XRCC4: variants seen among roughly 807,000 people sequenced by gnomAD.
XRCC4 encodes DNA repair protein XRCC4.
XRCC4 carries 28 observed loss-of-function variants against 39.1 expected under a neutral mutation model. That is an observed-to-expected ratio of 0.72 (90% CI 0.53 to 0.98). The LOEUF (loss-of-function observed/expected upper bound fraction) is 0.98. Among genes scored for constraint, XRCC4 ranks in the 50% least tolerant of loss-of-function variants. XRCC4 has a pLI of 0.00. For synonymous variants in XRCC4, 123 were observed against 126.4 expected, an observed-to-expected ratio of 0.97 and a Z score of 0.18; for missense variants, 350 against 376.4, an observed-to-expected ratio of 0.93 and a Z score of 0.58.
chr5:83,302,257 CAAA>C (rs778098766), intron 7 of XRCC4, among the ~76,000 whole-genome samples: 2 of 134,160 alleles, frequency 1.5e-5, no homozygotes, highest in African/African-American at 2.7e-5. Flanking sequence ...AATGGGGTAC[CAAA>C]AAAAAAAAAA....
At chr5:83,355,151 C>G (rs1034661844), downstream of XRCC4, among the ~76,000 whole-genome samples, 1 of 152,154 alleles carries the variant, frequency 6.6e-6, no homozygotes, top group African/African-American at 2.4e-5. Context: ...ATCTCTCTGC[C>G]TGGAATGCTC....
At chr5:83,225,961 A>T (rs1469942105) in intron 6 of XRCC4, among the ~76,000 whole-genome samples, 1 of 151,912 alleles carries the variant, frequency 6.6e-6, no homozygotes. Flanking sequence ...TTTAGGGTGG[A>T]GTCCTTCTGC....
chr5:83,094,671 T>A (rs1745594552), intron 1 of XRCC4, among the ~76,000 whole-genome samples: 1 of 151,790 alleles, frequency 6.6e-6, no homozygotes. Flanking sequence ...TATATTCTTG[T>A]GGTTAACTTT....
At chr5:83,132,928 G>A (rs1379439629) in intron 3 of XRCC4, among the ~76,000 whole-genome samples, 6 of 152,102 alleles carry the variant, frequency 3.9e-5, no homozygotes, top group Non-Finnish European at 7.4e-5. Flanking sequence ...TTCCTTTGCT[G>A]ACGAGGAGCT....
intron 6 of XRCC4, among the ~76,000 whole-genome samples, chr5:83,223,088 T>C (rs978971551): frequency 6.6e-6 from 1 of 152,154 alleles, no homozygotes; most frequent in Non-Finnish European, 1.5e-5. Context: ...ACTTGTTTTG[T>C]GGTCTAACGT....
At chr5:83,261,539 C>G (rs1198400534) in intron 7 of XRCC4, among the ~76,000 whole-genome samples, 1 of 151,788 alleles carries the variant, frequency 6.6e-6, no homozygotes, top group Non-Finnish European at 1.5e-5. Flanking sequence ...TATTTAGCTT[C>G]TCTATCTCTG....
At chr5:83,263,141 A>G (rs1753822949) in intron 7 of XRCC4, among the ~76,000 whole-genome samples, 1 of 149,422 alleles carries the variant, frequency 6.7e-6, no homozygotes, top group Non-Finnish European at 1.5e-5. Flanking sequence ...GATGATTTCC[A>G]ATTTCATCCA....
At chr5:83,138,189 T>C (rs1411466132) in intron 3 of XRCC4, among the ~76,000 whole-genome samples, 1 of 152,174 alleles carries the variant, frequency 6.6e-6, no homozygotes, top group Non-Finnish European at 1.5e-5. Flanking sequence ...TCTGATGTTA[T>C]CTCTAAATGA....
At chr5:83,359,318 T>C in the XRCC4 span, among the ~76,000 whole-genome samples, 5 of 152,120 alleles carry the variant, frequency 3.3e-5, no homozygotes, top group Non-Finnish European at 7.4e-5. Flanking sequence ...ACAGTACCCA[T>C]GCTTTATACC....
chr5:83,079,417 A>G (rs899068410), intron 1 of XRCC4, among the ~76,000 whole-genome samples: 1 of 152,166 alleles, frequency 6.6e-6, no homozygotes, highest in African/African-American at 2.4e-5. Flanking sequence ...TTATATCACA[A>G]TTTCTAAAAT....
At chr5:83,259,681 A>G (rs927116395) in intron 7 of XRCC4, among the ~76,000 whole-genome samples, 2 of 152,132 alleles carry the variant, frequency 1.3e-5, no homozygotes, top group African/African-American at 4.8e-5. Context: ...TAAAGAATAT[A>G]TCATTCATAT....
intron 7 of XRCC4, among the ~76,000 whole-genome samples, chr5:83,329,962 G>A (rs565109398): frequency 3.3e-5 from 5 of 152,092 alleles, no homozygotes; most frequent in African/African-American, 9.6e-5. Flanking sequence ...CTGTTTTGAC[G>A]GTTGTATTGT....
chr5:83,089,597 C>G lies in XRCC4; in HGVS notation c.-11+11982C>G, dbSNP rs562382954. On this transcript the variant is annotated intron_variant, in intron 1 of 7. Coordinates refer to ENST00000396027, the MANE Select transcript of XRCC4 (RefSeq NM_003401.5). ...CACAAAATTGCCTCCACTTCAGATG[C>G]CAGTCACAAGTCCTGAGTCACCTAT... Among the ~76,000 whole-genome samples, 8 of 152,216 alleles carry G rather than the reference C, an allele frequency of 5.3e-5. No homozygotes were observed. The South Asian group carries it at 8.3e-4, about 16-fold the overall frequency.
downstream of XRCC4, among the ~76,000 whole-genome samples, chr5:83,357,172 C>G (rs920930462): frequency 1.3e-5 from 2 of 152,158 alleles, no homozygotes; most frequent in East Asian, 3.8e-4. Flanking sequence ...TCGATCCTTT[C>G]AACAAATATT....
chr5:83,155,291 A>T (rs1281891658), intron 3 of XRCC4, among the ~76,000 whole-genome samples: 2 of 152,168 alleles, frequency 1.3e-5, no homozygotes, highest in East Asian at 3.9e-4. Flanking sequence ...TTGAGGAGGA[A>T]CTTTGATGTA....
At position 83,203,640 on chromosome 5, in the gene XRCC4, A is replaced by G. The variant is rs759976265; in HGVS notation, c.571A>G (p.Ile191Val). The change falls in exon 5 of 8, where the codon ATC becomes GTC. Residue 191 changes from isoleucine to valine, a missense_variant. Ile to Val is a conservative substitution (Grantham distance 29). Coordinates refer to ENST00000396027, the MANE Select transcript of XRCC4 (RefSeq NM_003401.5). ...GGTGTTGAATGAGAAGAAAACAAAAATCAGAAGTTTGCATAATAAATTATT... is the reference window on the plus strand; with the variant it reads ...GGTGTTGAATGAGAAGAAAACAAAAGTCAGAAGTTTGCATAATAAATTATT... ...ILVLNEKKTK[I>V]RSLHNKLLNA... 1.1e-5 allele frequency: 17 copies of G among 1,612,408 alleles called. No homozygotes were observed. The highest frequency in any genetic ancestry group is 1.4e-5 in the Non-Finnish European group (17 of 1,179,298).
chr5:83,365,447 C>CAAGA, the XRCC4 span, among the ~76,000 whole-genome samples: 4 of 152,186 alleles, frequency 2.6e-5, no homozygotes, highest in East Asian at 3.9e-4. Flanking sequence ...GACTGCTTCA[C>CAAGA]ATGGTGAGTG....
At chr5:83,366,589 T>C in the XRCC4 span, among the ~76,000 whole-genome samples, 1 of 152,160 alleles carries the variant, frequency 6.6e-6, no homozygotes, top group Non-Finnish European at 1.5e-5. Context: ...CTTGGCACAC[T>C]CAAGTAAAAG....
chr5:83,300,769 C>A (rs374848322), intron 7 of XRCC4, among the ~76,000 whole-genome samples: 2 of 151,510 alleles, frequency 1.3e-5, no homozygotes, highest in Non-Finnish European at 2.9e-5. Context: ...TGTGATGTTC[C>A]GCTCCTTGTG....
Sources: allele counts gnomAD v4.1 joint callset (sites outside exome capture counted in the v4.1 genomes callset), GRCh38; gene constraint gnomAD v4.1.1; transcripts MANE v1.5; gene names NCBI Gene and HGNC (gene_info 2026-07-23, HGNC 2026-07-21).